Variants in MLC1 observed in about 807,000 individuals in gnomAD.
The protein encoded by MLC1 is modulator of VRAC current 1, also known as membrane protein MLC1.
In MLC1, 32 loss-of-function variants were observed where a neutral mutation model predicts 44.7. That is an observed-to-expected ratio of 0.72 (90% CI 0.54 to 0.96). MLC1 has a LOEUF of 0.96. Among genes scored for constraint, MLC1 ranks in the 40% least tolerant of loss-of-function variants. MLC1 has a pLI of 0.00. For missense variants in MLC1, 459 were observed against 492.2 expected (o/e 0.93, Z 0.64); for synonymous variants, 190 against 213.0 (o/e 0.89, Z 0.94).
At chr22:50,077,869 G>A (rs575839774) in intron 5 of MLC1, among the ~76,000 whole-genome samples, 3 of 152,280 alleles carry the variant, frequency 2.0e-5, no homozygotes, top group East Asian at 3.9e-4. Flanking sequence ...GAGAACATAA[G>A]GTTTTTTGGA....
intron 10 of MLC1, among the ~76,000 whole-genome samples, chr22:50,065,106 G>T (rs891434631): frequency 2.0e-5 from 3 of 152,138 alleles, no homozygotes; most frequent in Non-Finnish European, 4.4e-5. Context: ...CGTAGTTTTA[G>T]TAGAGACGGG....
rs1555967995 is a variant in MLC1 at position 50,081,021 on chromosome 22, G to GAAAGAAAGAAAGAA, written c.268-638_268-625dup. ...ACCTTGTCTCAAAAAAAGAAAGAAA[G>GAAAGAAAGAAAGAA]AAAGAAAGAAAGAAAGAAAGAAAGA... On this transcript the variant is annotated intron_variant, in intron 3 of 11. Transcript: ENST00000311597. Among the ~76,000 whole-genome samples the GAAAGAAAGAAAGAA allele has an allele frequency of 4.9e-5, 7 of 143,464 alleles. No individual in the cohort carries two copies. The South Asian group carries it at 6.5e-4, about 13-fold the overall frequency. The allele number at this position is 143,464 out of a possible 152,430, so 94.1% of individuals were successfully genotyped here.
intron 5 of MLC1, among the ~76,000 whole-genome samples, chr22:50,078,922 C>G (rs772366407): frequency 5.3e-5 from 8 of 152,164 alleles, no homozygotes; most frequent in Non-Finnish European, 1.2e-4. Context: ...GAGTAACTTG[C>G]CTCTGAGCAG....
intron 10 of MLC1, among the ~76,000 whole-genome samples, chr22:50,066,985 C>T (rs1226232953): frequency 6.6e-6 from 1 of 152,156 alleles, no homozygotes; most frequent in East Asian, 1.9e-4. Context: ...GTGTGGCCGT[C>T]CCCTGCTAGC....
chr22:50,076,718 G>T, intron 7 of MLC1, 123 bp downstream of exon 7: 2 of 969,178 alleles, frequency 2.1e-6, no homozygotes, highest in Non-Finnish European at 1.6e-6. Context: ...TGAGGCGCAC[G>T]CCGCCATGCG....
intron 3 of MLC1, among the ~76,000 whole-genome samples, chr22:50,080,973 T>A (rs1384996355): frequency 1.8e-5 from 2 of 111,068 alleles, no homozygotes; most frequent in Admixed American, 9.7e-5. Context: ...CAGTGAGCTG[T>A]GAATACTCGG....
In MLC1 at chr22:50,064,018, C is replaced by T. The variant is rs5771338; in HGVS notation, c.1059+16G>A. 0.11 allele frequency: 171,323 copies of T among 1,509,760 alleles called. 14,269 individuals are homozygous for T. Among genetic ancestry groups the T allele is most frequent in the East Asian group, 0.32 (13,834 of 42,848 alleles). 93.5% of individuals were successfully genotyped at this position (1,509,760 alleles called of 1,614,324 possible). On this transcript the variant is annotated intron_variant, in intron 11 of 11. Coordinates refer to ENST00000311597, the MANE Select transcript of MLC1 (RefSeq NM_015166.4). Reference sequence around the variant, plus strand: ...ACTCACCTCCCCAGTGCCCCCTCCCCCTGCAGGCCACTCACCTCCCCAGCC... The same window carrying T: ...ACTCACCTCCCCAGTGCCCCCTCCCTCTGCAGGCCACTCACCTCCCCAGCC...
At chr22:50,079,574 C>T (rs1287495816) in intron 5 of MLC1, among the ~76,000 whole-genome samples, 3 of 138,820 alleles carry the variant, frequency 2.2e-5, no homozygotes, top group Non-Finnish European at 3.0e-5. Flanking sequence ...GGCGCCATCT[C>T]GGCTCCCACA....
rs1160119238 is a variant in MLC1, at chr22:50,065,027, C to T, written c.895-829G>A. Reference sequence around the variant, plus strand: ...GCAACCTCTACATCCCAGGTTCAAGCGATTCTCCTGCCTCAACCTCGCCAG... The same window carrying T: ...GCAACCTCTACATCCCAGGTTCAAGTGATTCTCCTGCCTCAACCTCGCCAG... On this transcript the variant is annotated intron_variant, in intron 10 of 11. Coordinates refer to ENST00000311597, the MANE Select transcript of MLC1 (RefSeq NM_015166.4). 8.5e-5 allele frequency among the ~76,000 whole-genome samples: 13 copies of T among 152,128 alleles called. No individual in the cohort carries two copies. The South Asian group carries it at 1.2e-3, about 15-fold the overall frequency.
rs750204522 is a variant in MLC1 at position 50,061,625 on chromosome 22, C to T, written c.1092G>A (p.Lys364=). Residue 364 remains lysine, a synonymous_variant, in exon 12 of 12, where the codon AAG becomes AAA. Coordinates refer to ENST00000311597, the MANE Select transcript of MLC1 (RefSeq NM_015166.4). ...CCACGACGGCTCTCCAGGCTTTCTC[C>T]TTGTCGAACTCCTTCAGGGGGCTCC... ...VARSPLKEFD[K]EKAWRAVVVQ... 3 of 1,613,730 alleles carry T rather than the reference C, an allele frequency of 1.9e-6. No homozygotes were observed. The highest frequency in any genetic ancestry group is 2.2e-5 in the South Asian group (2 of 91,090).
At chr22:50,068,725 C>CTTTTTTTTTTTTTTTTTTTT (rs765426637) in intron 9 of MLC1, among the ~76,000 whole-genome samples, 170 bp from the exon 10 acceptor site, 7 of 105,256 alleles carry the variant, frequency 6.7e-5, no homozygotes, top group African/African-American at 1.5e-4. Flanking sequence ...TTTTCTTTTT[C>CTTTTTTTTTTTTTTTTTTTT]TTTTTTTTTT....
rs762559458 is a variant in MLC1, at chr22:50,077,410, C to T, written c.516G>A (p.Lys172=). The T allele has an allele frequency of 1.2e-6, 2 of 1,613,794 alleles. No individual in the cohort carries two copies. The highest frequency in any genetic ancestry group is 1.3e-5 in the African/African-American group (1 of 74,934). ...CAGAAGCTGCACCCACCTTCTTTTT[C>T]TTGCAGTCCTCCTCGCTGGACCGTG... ...IAARSSEEDC[K]KKKGSMSDSA... Residue 172 remains lysine, a synonymous_variant, in exon 6 of 12, where the codon AAG becomes AAA. Transcript: ENST00000311597.
At chr22:50,061,957 G>A (rs963004030) in intron 11 of MLC1, among the ~76,000 whole-genome samples, 6 of 152,210 alleles carry the variant, frequency 3.9e-5, no homozygotes, top group African/African-American at 1.2e-4. Flanking sequence ...GGGGGAGGCC[G>A]CCCAAGGTTG....
intron 8 of MLC1, among the ~76,000 whole-genome samples, chr22:50,072,022 G>A (rs2061864600): frequency 6.6e-6 from 1 of 152,230 alleles, no homozygotes; most frequent in Admixed American, 6.5e-5. Flanking sequence ...TGAGGTGGGT[G>A]TGGCCCTGGC....
At chr22:50,076,042 A>T (rs1439866867) in intron 7 of MLC1, among the ~76,000 whole-genome samples, 1 of 152,216 alleles carries the variant, frequency 6.6e-6, no homozygotes, top group East Asian at 1.9e-4. Flanking sequence ...TGCCAATTCA[A>T]AAGAAGGCAG....
In MLC1 at chr22:50,081,049, G is replaced by GAAAGAAAGAAAGAAAGAAAGAAAGAA. The variant is rs1413650900; in HGVS notation, c.268-653_268-652insTTCTTTCTTTCTTTCTTTCTTTCTTT. Among the ~76,000 whole-genome samples, 1,483 of 149,810 alleles carry GAAAGAAAGAAAGAAAGAAAGAAAGAA rather than the reference G, an allele frequency of 9.9e-3. 45 individuals carry two copies. The highest frequency in any genetic ancestry group is 0.035 in the African/African-American group (1,381 of 39,628). On this transcript the variant is annotated intron_variant, in intron 3 of 11. Transcript: ENST00000311597. Reference sequence around the variant, plus strand: ...AGAAAGAAAGAAAGAAAGAAAGAAAGAAAGAAAGAGGAGGTCTGGTGCAGT... The same window carrying GAAAGAAAGAAAGAAAGAAAGAAAGAA: ...AGAAAGAAAGAAAGAAAGAAAGAAAGAAAGAAAGAAAGAAAGAAAGAAAGAAAAAGAAAGAGGAGGTCTGGTGCAGT...
At chr22:50,070,731 G>C in intron 8 of MLC1, 148 bp from the exon 9 acceptor site, 1 of 826,692 alleles carries the variant, frequency 1.2e-6, no homozygotes, top group Non-Finnish European at 2.0e-6. Context: ...GTGCCCAAAG[G>C]CGCAGCTGGG....
intron 11 of MLC1, 137 bp downstream of exon 11, chr22:50,063,897 C>T: frequency 2.1e-6 from 2 of 948,674 alleles, no homozygotes; most frequent in Non-Finnish European, 3.0e-6. Flanking sequence ...AGGCCACTCA[C>T]CTCCCCGGCT....
Position 50,061,511 on chromosome 22 carries a change from G to A in MLC1, c.*72C>T. On this transcript the variant is annotated 3_prime_UTR_variant, in exon 12 of 12. Coordinates refer to ENST00000311597, the MANE Select transcript of MLC1 (RefSeq NM_015166.4). ...GAGGTGTTAGAAGCAGTAGCTCAGG[G>A]CGATTAGGGGTTGTGCGTTTCCATG... 1 of 1,472,668 alleles carries A rather than the reference G, an allele frequency of 6.8e-7. No homozygotes were observed. The highest frequency in any genetic ancestry group is 9.5e-7 in the Non-Finnish European group (1 of 1,056,914). 91.2% of individuals were successfully genotyped at this position (1,472,668 alleles called of 1,614,324 possible).
Sources: allele counts gnomAD v4.1 joint callset (sites outside exome capture counted in the v4.1 genomes callset), GRCh38; gene constraint gnomAD v4.1.1; transcripts MANE v1.5; gene names NCBI Gene and HGNC (gene_info 2026-07-23, HGNC 2026-07-21).